Variants in LMBR1 observed in about 807,000 individuals in gnomAD.
LMBR1 encodes the protein limb development membrane protein 1.
A neutral mutation model predicts 73.9 loss-of-function variants in LMBR1; 52 were observed. The observed-to-expected ratio is 0.70, with a 90% CI of 0.56 to 0.89. The LOEUF (loss-of-function observed/expected upper bound fraction) is 0.89. LMBR1 is among the 40% of genes least tolerant of loss of function. The probability of loss-of-function intolerance (pLI) is 0.00; values close to 1 mark genes in which losing one functional copy is unlikely to be tolerated. For missense variants in LMBR1, 539 were observed against 579.8 expected (o/e 0.93, Z 0.72); for synonymous variants, 215 against 209.4 (o/e 1.03, Z -0.23).
chr7:156,766,734 C>T (rs778975440), intron 5 of LMBR1, among the ~76,000 whole-genome samples: 2 of 152,122 alleles, frequency 1.3e-5, no homozygotes, highest in Non-Finnish European at 2.9e-5. Context: ...CCAAGCAGTC[C>T]TAGCTGCTGG....
chr7:156,892,916 G>C lies in LMBR1; in HGVS notation c.66+12C>G. The C allele has an allele frequency of 6.6e-7, 1 of 1,505,896 alleles. No individual in the cohort carries two copies. The allele number at this position is 1,505,896 out of a possible 1,614,324, so 93.3% of individuals were successfully genotyped here. On this transcript the variant is annotated intron_variant, in intron 1 of 16. Transcript: ENST00000353442. ...ACGCGGGACTGTCAGGGCTGCCTCG[G>C]TCCCCACGCACCGTGGACTCCCGCA... is the stretch of plus-strand genomic sequence containing the variant.
At chr7:156,686,778 A>C (rs1439799827) in intron 16 of LMBR1, among the ~76,000 whole-genome samples, 2 of 152,254 alleles carry the variant, frequency 1.3e-5, no homozygotes, top group African/African-American at 4.8e-5. Flanking sequence ...TGGAAAGTGG[A>C]AATTTATCTG....
At chr7:156,745,537 C>G (rs1819693950) in intron 9 of LMBR1, among the ~76,000 whole-genome samples, 1 of 152,226 alleles carries the variant, frequency 6.6e-6, no homozygotes, top group Non-Finnish European at 1.5e-5. Context: ...CTCGCTGGGT[C>G]TCTCTAGGTG....
At position 156,782,068 on chromosome 7, in the gene LMBR1, G is replaced by A. The variant is rs150110116; in HGVS notation, c.423+14321C>T. ...ACAATGCTATAGGTATCTCATTTAAGGAGAATCATATAGAATTTGTCCTTT... is the reference window on the plus strand; with the variant it reads ...ACAATGCTATAGGTATCTCATTTAAAGAGAATCATATAGAATTTGTCCTTT... On this transcript the variant is annotated intron_variant, in intron 5 of 16. Coordinates refer to ENST00000353442, the MANE Select transcript of LMBR1 (RefSeq NM_022458.4). 8.0e-3 allele frequency among the ~76,000 whole-genome samples: 1,223 copies of A among 152,306 alleles called. 8 individuals carry two copies. Among genetic ancestry groups the A allele is most frequent in the Non-Finnish European group, 0.012 (847 of 68,028 alleles).
chr7:156,862,396 A>G (rs201548049), intron 1 of LMBR1, among the ~76,000 whole-genome samples: 1 of 152,152 alleles, frequency 6.6e-6, no homozygotes, highest in African/African-American at 2.4e-5. Context: ...AGGAGCTACA[A>G]TTCAAGATGA....
In LMBR1 at chr7:156,806,481, A is replaced by G. The variant is rs547765497; in HGVS notation, c.320-9989T>C. On this transcript the variant is annotated intron_variant, in intron 4 of 16. Transcript: ENST00000353442. ...ATTTTTTTTAAAAAAAACCTCCAGA[A>G]TGATGTTACATAGAAGTGGTAAGAA... 7.2e-5 allele frequency among the ~76,000 whole-genome samples: 11 copies of G among 151,752 alleles called. No homozygotes were observed. In the East Asian group the frequency reaches 9.7e-4, roughly 13 times the overall value.
intron 15 of LMBR1, among the ~76,000 whole-genome samples, chr7:156,692,818 G>T (rs1205587657): frequency 1.3e-5 from 2 of 152,208 alleles, no homozygotes; most frequent in Admixed American, 6.5e-5. Flanking sequence ...ATCAAGAAAT[G>T]AAGCAGGTGA....
chr7:156,670,916 T>C lies in LMBR1; in HGVS notation n.867-1629A>G, dbSNP rs1802340485. ...GTGGTAAAAATGTGAGTAAATCTAA[T>C]AGACATTGATTCCACCGAACAAGAA... On this transcript the variant is annotated intron_variant and non_coding_transcript_variant, in intron 4 of 4. Coordinates refer to the LMBR1 transcript ENST00000430825. This position sits in a 1 kb window ranked among gnomAD's most constrained non-coding sequence, Gnocchi z 4.3. 6.6e-6 allele frequency among the ~76,000 whole-genome samples: 1 copy of C among 152,144 alleles called. No individual in the cohort carries two copies. Among genetic ancestry groups the C allele is most frequent in the East Asian group, 1.9e-4 (1 of 5,186 alleles).
intron 15 of LMBR1, among the ~76,000 whole-genome samples, chr7:156,720,677 T>A (rs184122651): frequency 6.6e-6 from 1 of 151,596 alleles, no homozygotes; most frequent in Admixed American, 6.6e-5. Flanking sequence ...AATAATAAAG[T>A]TAATAATAAT....
intron 15 of LMBR1, among the ~76,000 whole-genome samples, chr7:156,720,810 A>G (rs1814396057): frequency 6.6e-6 from 1 of 151,998 alleles, no homozygotes; most frequent in South Asian, 2.1e-4. Context: ...TGTCATAATT[A>G]GGAATATATG....
At position 156,754,177 on chromosome 7, in the gene LMBR1, G is replaced by T. The variant is rs114512965; in HGVS notation, c.757+2216C>A. 2.2e-3 allele frequency among the ~76,000 whole-genome samples: 329 copies of T among 152,232 alleles called. 5 individuals are homozygous for T. The highest frequency in any genetic ancestry group is 0.014 in the Middle Eastern group (4 of 294). On this transcript the variant is annotated intron_variant, in intron 9 of 16. Coordinates refer to ENST00000353442, the MANE Select transcript of LMBR1 (RefSeq NM_022458.4). ...TTGCTTTACTTTATTAACATTCCATGAAACAATATTAACAAGAACAAAACC... is the reference window on the plus strand; with the variant it reads ...TTGCTTTACTTTATTAACATTCCATTAAACAATATTAACAAGAACAAAACC...
chr7:156,787,273 T>C (rs1201986559), intron 5 of LMBR1, among the ~76,000 whole-genome samples: 7 of 152,222 alleles, frequency 4.6e-5, no homozygotes, highest in Non-Finnish European at 1.0e-4. Flanking sequence ...GAGGAAACCA[T>C]AGCCTGGCTT....
At chr7:156,705,908 A>T (rs1197734658) in intron 15 of LMBR1, among the ~76,000 whole-genome samples, 1 of 152,228 alleles carries the variant, frequency 6.6e-6, no homozygotes, top group African/African-American at 2.4e-5. Context: ...AAAAAATATG[A>T]CAGGAACAAA....
At chr7:156,845,769 T>C (rs1263746642) in intron 1 of LMBR1, among the ~76,000 whole-genome samples, 17 of 152,004 alleles carry the variant, frequency 1.1e-4, no homozygotes, top group Admixed American at 1.1e-3. Flanking sequence ...CCACTTCCAT[T>C]CGCCATGTAG....
Position 156,826,760 on chromosome 7 carries a change from GTC to G in LMBR1, c.180-18_180-17del, listed in dbSNP as rs1378384689. ...CAAAAACAACCTGGAAGAAAGGAGA[GTC>G]ACCATCACAAGTGATCTGAAAAAGC... On this transcript the variant is annotated splice_polypyrimidine_tract_variant and intron_variant, in intron 3 of 16. Transcript: ENST00000353442. The G allele has an allele frequency of 5.6e-6, 9 of 1,596,340 alleles. No individual in the cohort carries two copies. The South Asian group carries it at 1.0e-4, about 18-fold the overall frequency.
At chr7:156,865,868 C>A (rs751055847) in intron 1 of LMBR1, among the ~76,000 whole-genome samples, 3 of 152,036 alleles carry the variant, frequency 2.0e-5, no homozygotes, top group Admixed American at 1.3e-4. Context: ...GGTACTGGAA[C>A]AACTGGATAT....
At chr7:156,793,713 T>C (rs1196430684) in intron 5 of LMBR1, among the ~76,000 whole-genome samples, 5 of 152,216 alleles carry the variant, frequency 3.3e-5, no homozygotes, top group African/African-American at 9.6e-5. Flanking sequence ...AGAATACTTA[T>C]TAGTCAAATG....
chr7:156,732,851 C>T (rs1237034668), intron 10 of LMBR1, among the ~76,000 whole-genome samples: 1 of 152,176 alleles, frequency 6.6e-6, no homozygotes, highest in Non-Finnish European at 1.5e-5. Flanking sequence ...ACTTACACAG[C>T]TACTATAAGT....
chr7:156,734,452 C>T (rs1261934315), intron 9 of LMBR1, among the ~76,000 whole-genome samples, 195 bp from the exon 10 acceptor site: 6 of 152,088 alleles, frequency 3.9e-5, no homozygotes, highest in African/African-American at 1.2e-4. Flanking sequence ...AAACACTACA[C>T]GTTTCCACAG....
Sources: allele counts gnomAD v4.1 joint callset (sites outside exome capture counted in the v4.1 genomes callset), GRCh38; gene constraint gnomAD v4.1.1; non-coding constraint Gnocchi (gnomAD v3.1); transcripts MANE v1.5; gene names NCBI Gene and HGNC (gene_info 2026-07-23, HGNC 2026-07-21).